The following ANO4 variants were observed in gnomAD, a reference collection of about 807,000 sequenced individuals.
ANO4 encodes the protein anoctamin 4.
In ANO4, 69 loss-of-function variants were observed where a neutral mutation model predicts 141.9. The ratio of observed to expected loss-of-function variants is 0.49; its 90% CI spans 0.40 to 0.59. The LOEUF (loss-of-function observed/expected upper bound fraction) is 0.59. Among genes scored for constraint, ANO4 ranks in the 20% least tolerant of loss-of-function variants. ANO4 has a pLI of 0.00. For missense variants in ANO4, 894 were observed against 1,162.2 expected (o/e 0.77, Z 3.36); for synonymous variants, 350 against 394.3 (o/e 0.89, Z 1.33).
intron 1 of ANO4, among the ~76,000 whole-genome samples, chr12:100,869,208 G>A (rs184045986): frequency 3.9e-5 from 6 of 152,272 alleles, no homozygotes; most frequent in Non-Finnish European, 8.8e-5. Context: ...AATGCCTTTC[G>A]AAACTCATAC....
intron 1 of ANO4, among the ~76,000 whole-genome samples, chr12:100,729,360 CAAAAAAA>C (rs1156522144): frequency 4.4e-4 from 10 of 22,566 alleles, no homozygotes; most frequent in East Asian, 2.2e-3. Context: ...AACTCTGTCT[CAAAAAAA>C]AAAAAAAAAA....
chr12:100,960,693 T>C (rs758434308), intron 5 of ANO4, among the ~76,000 whole-genome samples: 16 of 152,136 alleles, frequency 1.1e-4, no homozygotes, highest in Non-Finnish European at 1.5e-4. Flanking sequence ...TCTTCTGTCT[T>C]TTCTGGGTCT....
At chr12:100,877,692 ATCG>A (rs2039381917) in intron 1 of ANO4, among the ~76,000 whole-genome samples, 1 of 150,336 alleles carries the variant, frequency 6.7e-6, no homozygotes, top group Non-Finnish European at 1.5e-5. Context: ...TGCTGTCAAC[ATCG>A]TCGAGTGATG....
intron 1 of ANO4, among the ~76,000 whole-genome samples, chr12:100,795,946 T>C (rs922398186): frequency 6.6e-6 from 1 of 152,102 alleles, no homozygotes; most frequent in Non-Finnish European, 1.5e-5. Flanking sequence ...ACTTCAAGTC[T>C]ATTACTGGCA....
intron 3 of ANO4, among the ~76,000 whole-genome samples, chr12:100,781,777 A>G (rs1350981273): frequency 6.6e-6 from 1 of 152,234 alleles, no homozygotes; most frequent in Non-Finnish European, 1.5e-5. Context: ...AATAAAAAAG[A>G]CAGCATTTAA....
rs537089484 is a variant in ANO4 at position 101,083,200 on chromosome 12, A to G, written c.1396-478A>G. On this transcript the variant is annotated intron_variant, in intron 15 of 27. Coordinates refer to ENST00000392977, the MANE Select transcript of ANO4 (RefSeq NM_001286615.2). Reference sequence around the variant, plus strand: ...TGAACTAAACCTAAAAATGCAAAAAAAAATTGCTGGAGAAAACTAAGAATT... The same window carrying G: ...TGAACTAAACCTAAAAATGCAAAAAGAAATTGCTGGAGAAAACTAAGAATT... Among the ~76,000 whole-genome samples the G allele has an allele frequency of 5.9e-5, 9 of 152,330 alleles. No individual in the cohort carries two copies. In the South Asian group the frequency reaches 1.7e-3, roughly 28 times the overall value.
chr12:101,064,778 TA>T (rs2048509060), intron 14 of ANO4, among the ~76,000 whole-genome samples: 1 of 152,110 alleles, frequency 6.6e-6, no homozygotes, highest in Non-Finnish European at 1.5e-5. Flanking sequence ...CCAAAAATAT[TA>T]AATGGAAAAT....
At chr12:100,993,050 G>T (rs767595052) in intron 8 of ANO4, among the ~76,000 whole-genome samples, 1 of 152,026 alleles carries the variant, frequency 6.6e-6, no homozygotes. Flanking sequence ...CTAGCAGGGC[G>T]TGGTGGTGCA....
chr12:100,773,302 C>T (rs923124061), intron 3 of ANO4, among the ~76,000 whole-genome samples: 2 of 152,212 alleles, frequency 1.3e-5, no homozygotes, highest in East Asian at 1.9e-4. Flanking sequence ...GGTTTATGTT[C>T]TGTCTTATTT....
chr12:101,010,823 T>C (rs189143474), intron 8 of ANO4, among the ~76,000 whole-genome samples: 1 of 152,338 alleles, frequency 6.6e-6, no homozygotes, highest in East Asian at 1.9e-4. Context: ...GACTGGTATG[T>C]TGGTTATCTA....
At chr12:100,989,246 G>A (rs1246872151) in intron 8 of ANO4, among the ~76,000 whole-genome samples, 1 of 152,156 alleles carries the variant, frequency 6.6e-6, no homozygotes, top group Non-Finnish European at 1.5e-5. Context: ...AAGAGAAAGT[G>A]GGAACTGGAA....
intron 26 of ANO4, 149 bp from the exon 27 acceptor site, chr12:101,126,730 G>A: frequency 1.5e-6 from 1 of 651,026 alleles, no homozygotes; most frequent in Non-Finnish European, 2.6e-6. Flanking sequence ...GGCCTCACCT[G>A]TCCTATCATC....
At chr12:100,927,219 G>A (rs1035445466) in intron 3 of ANO4, among the ~76,000 whole-genome samples, 3 of 152,074 alleles carry the variant, frequency 2.0e-5, no homozygotes, top group Non-Finnish European at 2.9e-5. Context: ...GGATACATGA[G>A]GCAGGAAAGT....
rs1283366017 is a variant in ANO4, at chr12:100,901,869, C to G, written c.55+29C>G. The G allele has an allele frequency of 1.9e-6, 3 of 1,555,746 alleles. No individual in the cohort carries two copies. In the Admixed American group the frequency reaches 5.9e-5, roughly 30 times the overall value. Reference sequence around the variant, plus strand: ...ATGCATGGGGAAGTTCAACGGGGACCCATTTCAGTAGCAACCTGACCACAG... The same window carrying G: ...ATGCATGGGGAAGTTCAACGGGGACGCATTTCAGTAGCAACCTGACCACAG... On this transcript the variant is annotated intron_variant, in intron 2 of 27. Coordinates refer to ENST00000392977, the MANE Select transcript of ANO4 (RefSeq NM_001286615.2).
At chr12:100,921,503 ATTACT>A (rs905172727) in intron 2 of ANO4, among the ~76,000 whole-genome samples, 3 of 152,060 alleles carry the variant, frequency 2.0e-5, no homozygotes, top group Non-Finnish European at 2.9e-5. Flanking sequence ...GTTCTTACTG[ATTACT>A]TTAAGAAGCT....
rs547795279 is a variant in ANO4, at chr12:100,802,362, T to C, written c.-141+7335T>C. On this transcript the variant is annotated intron_variant, in intron 1 of 27. Transcript: ENST00000392977. ...ATAGATTCAATTCATCATCAAAATA[T>C]GATTTCTGCTTGCCTTGTCCCTCCT... Among the ~76,000 whole-genome samples, 13 of 152,322 alleles carry C rather than the reference T, an allele frequency of 8.5e-5. No individual in the cohort carries two copies. The South Asian group carries it at 2.7e-3, about 32-fold the overall frequency.
chr12:100,750,099 G>A (rs907096926), intron 3 of ANO4, among the ~76,000 whole-genome samples: 1 of 151,862 alleles, frequency 6.6e-6, no homozygotes, highest in African/African-American at 2.4e-5. Flanking sequence ...CTGGGCAAGG[G>A]GTAGTGAGAT....
chr12:100,891,616 TTATG>T (rs2040111547), intron 1 of ANO4, among the ~76,000 whole-genome samples: 1 of 152,086 alleles, frequency 6.6e-6, no homozygotes, highest in African/African-American at 2.4e-5. Context: ...AATATTTTAT[TTATG>T]TACTTATTTT....
At chr12:101,098,039 G>A in intron 21 of ANO4, 94 bp downstream of exon 21, 1 of 1,100,932 alleles carries the variant, frequency 9.1e-7, no homozygotes, top group Non-Finnish European at 1.4e-6. Context: ...AGACTCAGCA[G>A]TTAAGCCAGT....
Sources: gnomAD v4.1 joint callset for allele counts (sites outside exome capture counted in the v4.1 genomes callset) on GRCh38, gnomAD v4.1.1 for gene constraint, MANE v1.5 for transcripts, NCBI Gene and HGNC (gene_info 2026-07-23, HGNC 2026-07-21) for gene names.